The following SPATA17 variants were observed in gnomAD, a reference collection of about 807,000 sequenced individuals.
The protein encoded by SPATA17 is spermatogenesis-associated protein 17.
Under a neutral mutation model 62.2 loss-of-function variants are expected in SPATA17, and 53 were observed. The ratio of observed to expected loss-of-function variants is 0.85; its 90% confidence interval spans 0.68 to 1.07. The LOEUF is 1.07. Ranked by LOEUF, SPATA17 falls within the 50% of genes least tolerant of loss-of-function variation. The pLI, the probability that SPATA17 is intolerant of heterozygous loss-of-function variation, is 0.00. For missense variants in SPATA17, 466 were observed against 425.5 expected, an observed-to-expected ratio of 1.10 and a Z score of -0.84; for synonymous variants, 146 against 146.8, an observed-to-expected ratio of 0.99 and a Z score of 0.04.
intron 6 of SPATA17, among the ~76,000 whole-genome samples, chr1:217,770,944 A>C (rs1471634782): frequency 7.0e-6 from 1 of 142,038 alleles, no homozygotes; most frequent in African/African-American, 2.6e-5. Flanking sequence ...GGGGGAATTC[A>C]AGAAAAATAT....
intron 5 of SPATA17, 29 bp downstream of exon 5, chr1:217,683,390 G>A (rs1044433493): frequency 5.1e-6 from 7 of 1,372,094 alleles, no homozygotes; most frequent in Non-Finnish European, 7.2e-6. Flanking sequence ...CATTCACTAG[G>A]GAAAACTTTG....
intron 6 of SPATA17, among the ~76,000 whole-genome samples, chr1:217,744,503 A>T (rs537521604): frequency 1.3e-5 from 2 of 150,952 alleles, no homozygotes; most frequent in South Asian, 4.2e-4. Context: ...CACAAACCTG[A>T]CTAAAACACT....
At chr1:217,792,640 G>C (rs1571808937) in intron 8 of SPATA17, among the ~76,000 whole-genome samples, 1 of 152,104 alleles carries the variant, frequency 6.6e-6, no homozygotes, top group Non-Finnish European at 1.5e-5. Context: ...TGCTCAATTT[G>C]TGTTAACAAA....
intron 10 of SPATA17, among the ~76,000 whole-genome samples, chr1:217,866,046 A>G (rs1676004139): frequency 6.6e-6 from 1 of 152,192 alleles, no homozygotes; most frequent in African/African-American, 2.4e-5. Context: ...GTTAAATGCC[A>G]TCGTCTTTTT....
At chr1:217,836,799 T>G (rs1675271277) in intron 9 of SPATA17, among the ~76,000 whole-genome samples, 1 of 152,164 alleles carries the variant, frequency 6.6e-6, no homozygotes, top group African/African-American at 2.4e-5. Context: ...GTGCTCCAGC[T>G]GTATTATTTT....
At chr1:217,724,970 A>G (rs1024219001) in intron 5 of SPATA17, among the ~76,000 whole-genome samples, 5 of 152,176 alleles carry the variant, frequency 3.3e-5, no homozygotes, top group Non-Finnish European at 7.4e-5. Flanking sequence ...ATTCTGAAAC[A>G]TGTTGGCCTT....
At chr1:217,847,092 T>G (rs1298109210) in intron 9 of SPATA17, among the ~76,000 whole-genome samples, 1 of 152,026 alleles carries the variant, frequency 6.6e-6, no homozygotes, top group Middle Eastern at 3.2e-3. Context: ...ACTATGTCTA[T>G]CATAGAGTTT....
At chr1:217,687,279 T>C (rs1264535132) in intron 5 of SPATA17, among the ~76,000 whole-genome samples, 5 of 152,178 alleles carry the variant, frequency 3.3e-5, no homozygotes, top group Admixed American at 2.0e-4. Context: ...TATATTCTCT[T>C]TGAAATTCAT....
chr1:217,638,575 A>C (rs1363455472), intron 1 of SPATA17, among the ~76,000 whole-genome samples: 2 of 152,186 alleles, frequency 1.3e-5, no homozygotes, highest in Admixed American at 6.5e-5. Flanking sequence ...CTGAGCAGAA[A>C]GCCCTGTATA....
At chr1:217,657,743 C>T (rs781477550) in intron 3 of SPATA17, among the ~76,000 whole-genome samples, 1 of 152,120 alleles carries the variant, frequency 6.6e-6, no homozygotes, top group African/African-American at 2.4e-5. Context: ...TAGCAAAATT[C>T]TTAGTCCTGT....
At chr1:217,850,012 G>A (rs755906363) in intron 9 of SPATA17, among the ~76,000 whole-genome samples, 2 of 152,128 alleles carry the variant, frequency 1.3e-5, no homozygotes, top group South Asian at 2.1e-4. Flanking sequence ...ATTTGGGGTC[G>A]CTGCTGTCTG....
intron 7 of SPATA17, among the ~76,000 whole-genome samples, chr1:217,777,203 G>A (rs545345746): frequency 5.9e-5 from 9 of 151,862 alleles, no homozygotes; most frequent in Non-Finnish European, 8.8e-5. Flanking sequence ...CTATAATTAC[G>A]TCCTTAATTC....
intron 2 of SPATA17, 38 bp from the exon 3 acceptor site, chr1:217,651,059 A>G (rs747185371): frequency 3.4e-6 from 5 of 1,470,464 alleles, no homozygotes; most frequent in Admixed American, 1.9e-5. Context: ...CCTTGTTTCA[A>G]TGAAAGGATA....
At chr1:217,783,531 T>C (rs182154041) in intron 8 of SPATA17, among the ~76,000 whole-genome samples, 1 of 152,182 alleles carries the variant, frequency 6.6e-6, no homozygotes, top group Admixed American at 6.6e-5. Context: ...AGGAGGTAGA[T>C]TCATTTTACC....
At chr1:217,782,079 C>A in intron 7 of SPATA17, 95 bp from the exon 8 acceptor site, 1 of 1,229,684 alleles carries the variant, frequency 8.1e-7, no homozygotes, top group Non-Finnish European at 1.1e-6. Context: ...CTTAGTAAAC[C>A]TGCTATACTT....
intron 7 of SPATA17, among the ~76,000 whole-genome samples, chr1:217,779,237 T>TA (rs953615871): frequency 1.3e-5 from 2 of 151,178 alleles, no homozygotes; most frequent in African/African-American, 4.9e-5. Context: ...ATGGCAGAAT[T>TA]AAAAAATATG....
At chr1:217,650,444 T>C (rs1670283867) in intron 2 of SPATA17, among the ~76,000 whole-genome samples, 1 of 151,952 alleles carries the variant, frequency 6.6e-6, no homozygotes. Flanking sequence ...TGAGACAGAG[T>C]CTTGCTCTGT....
rs76471262 is a variant in SPATA17, at chr1:217,668,045, A to G, written c.241-988A>G. Among the ~76,000 whole-genome samples, 1,207 of 152,346 alleles carry G rather than the reference A, an allele frequency of 7.9e-3. 9 individuals carry two copies. The highest frequency in any genetic ancestry group is 0.026 in the African/African-American group (1,087 of 41,574). On this transcript the variant is annotated intron_variant, in intron 3 of 10. Transcript: ENST00000366933. ...CCTTTTATATGAATTTCTGTTTGTC[A>G]TGGGGCAGAAAGCCCCTTTATAAAG... is the stretch of plus-strand genomic sequence containing the variant.
intron 6 of SPATA17, among the ~76,000 whole-genome samples, chr1:217,771,276 T>C (rs528625113): frequency 6.6e-6 from 1 of 151,980 alleles, no homozygotes; most frequent in African/African-American, 2.4e-5. Context: ...TTGGTCACTC[T>C]AGAAAATTAT....
Sources: allele counts gnomAD v4.1 joint callset (sites outside exome capture counted in the v4.1 genomes callset), GRCh38; gene constraint gnomAD v4.1.1; transcripts MANE v1.5; gene names NCBI Gene and HGNC (gene_info 2026-07-23, HGNC 2026-07-21).